Variants in HDAC7 observed in about 807,000 individuals in gnomAD.
HDAC7 encodes histone deacetylase 7.
Under a neutral mutation model 115.5 loss-of-function variants are expected in HDAC7, and 26 were observed. The observed-to-expected ratio is 0.23, with a 90% CI of 0.16 to 0.31. The LOEUF is 0.31. HDAC7 is among the 10% of genes least tolerant of loss of function. The pLI is 1.00. For synonymous variants in HDAC7, 564 were observed against 550.9 expected, an observed-to-expected ratio of 1.02 and a Z score of -0.33; for missense variants, 1,068 against 1,329.0, an observed-to-expected ratio of 0.80 and a Z score of 3.05.
Position 47,797,045 on chromosome 12 carries a change from G to A in HDAC7, c.675C>T (p.Leu225=). The A allele has an allele frequency of 1.3e-6, 2 of 1,590,268 alleles. No individual in the cohort carries two copies. Among genetic ancestry groups the A allele is most frequent in the South Asian group, 1.1e-5 (1 of 87,628 alleles). ...CGAGGGTCTCTGCGGGCCGCCGCCG[G>A]AGGCTGGGGGGCGCACTCTCCTTTC... ...LLRKESAPPS[L]RRRPAETLGD... Residue 225 remains leucine (L), a synonymous_variant, in exon 7 of 26, where the codon CTC becomes CTT. Coordinates refer to ENST00000080059, the MANE Select transcript of HDAC7 (RefSeq NM_015401.5). This position sits in a 1 kb window ranked among gnomAD's most constrained non-coding sequence, Gnocchi z 5.5.
At chr12:47,790,100 T>C in intron 16 of HDAC7, 180 bp from the exon 17 acceptor site, 1 of 599,374 alleles carries the variant, frequency 1.7e-6, no homozygotes, top group Admixed American at 2.9e-5. Flanking sequence ...AATCCCAGCA[T>C]GACTTTTTCC....
intron 1 of HDAC7, among the ~76,000 whole-genome samples, chr12:47,814,317 C>T (rs895039433): frequency 6.6e-6 from 1 of 152,352 alleles, no homozygotes; most frequent in South Asian, 2.1e-4. Context: ...CCCAGGTCCC[C>T]TCTAGGCCTT....
At position 47,795,112 on chromosome 12, in the gene HDAC7, C is replaced by A; in HGVS notation, c.1284+72G>T. The A allele has an allele frequency of 4.3e-6, 6 of 1,385,378 alleles. No individual in the cohort carries two copies. In the South Asian group the frequency reaches 7.7e-5, roughly 18 times the overall value. The allele number at this position is 1,385,378 out of a possible 1,614,324, so 85.8% of individuals were successfully genotyped here. A position where few individuals can be genotyped will look rare whatever the true frequency, so the allele number is the denominator to read the frequency against. On this transcript the variant is annotated intron_variant, in intron 11 of 25. Coordinates refer to ENST00000080059, the MANE Select transcript of HDAC7 (RefSeq NM_015401.5). The surrounding 1 kb of genome is among the most constrained non-coding windows in gnomAD (Gnocchi z 4.3). ...TCCAGTTCCCTGCCCTTTCTAAGTA[C>A]CCCTCTTCTTTTGGCCCCTAAGTCC...
In HDAC7 at chr12:47,791,598, C is replaced by T. The variant is rs762203099; in HGVS notation, c.1921G>A (p.Gly641Arg). Residue 641 changes from glycine to arginine, a missense_variant, in exon 15 of 26, where the codon GGG becomes AGG. Physicochemically the swap from Gly to Arg is moderately radical, Grantham distance 125. Around this residue, in one of 6 missense-constraint regions of HDAC7, gnomAD observed 618 missense variants for 701.5 expected, o/e 0.88. Transcript: ENST00000080059. The part of the protein sequence containing the change: ...NPLSRLKLDN[G>R]KLAGLLAQRM... ...ACTAGGCCATTACCTGCCAGCTTCC[C>T]GTTGTCCAGTTTGAGGCGGCTGAGC... 1.1e-5 allele frequency: 17 copies of T among 1,608,716 alleles called. No individual in the cohort carries two copies. The East Asian group carries it at 2.9e-4, about 28-fold the overall frequency.
At chr12:47,820,810 G>A (rs935092724), upstream of HDAC7, among the ~76,000 whole-genome samples, 8 of 151,742 alleles carry the variant, frequency 5.3e-5, no homozygotes, top group East Asian at 1.6e-3. The surrounding 1 kb of genome is among the most constrained non-coding windows in gnomAD (Gnocchi z 4.3). Flanking sequence ...TCACAGAAAT[G>A]TTCCAGTCTG....
chr12:47,783,526 C>G lies in HDAC7; in HGVS notation c.*315G>C. On this transcript the variant is annotated 3_prime_UTR_variant, in exon 26 of 26. Coordinates refer to ENST00000080059, the MANE Select transcript of HDAC7 (RefSeq NM_015401.5). ...AAGGGTGAGCCCGACGGAGCCGGAG[C>G]CAGTCCTCCTCTGTGCAGTCCTGAG... is the stretch of plus-strand genomic sequence containing the variant. 1 of 401,902 alleles carries G rather than the reference C, an allele frequency of 2.5e-6. No homozygotes were observed. The highest frequency in any genetic ancestry group is 7.6e-4 in the Middle Eastern group (1 of 1,318). The allele number at this position is 401,902 out of a possible 1,614,324, so 24.9% of individuals were successfully genotyped here.
Position 47,791,858 on chromosome 12 carries a change from C to T in HDAC7, c.1812+13G>A, listed in dbSNP as rs778498122. 39 of 1,610,234 alleles carry T rather than the reference C, an allele frequency of 2.4e-5. No individual in the cohort carries two copies. In the East Asian group the frequency reaches 4.2e-4, roughly 18 times the overall value. On this transcript the variant is annotated intron_variant, in intron 14 of 25. Transcript: ENST00000080059. ...CTCCACCCATTCCTCGGGCCCCACC[C>T]GCGCCTCCTCACCTCACACTGGCTC...
chr12:47,808,848 C>G (rs1425532921), intron 1 of HDAC7, among the ~76,000 whole-genome samples: 1 of 152,352 alleles, frequency 6.6e-6, no homozygotes, highest in East Asian at 1.9e-4. Context: ...TAAGATTTCT[C>G]AGTTCCAAAA....
In HDAC7 at chr12:47,793,326, G is replaced by T; in HGVS notation, c.1678+43C>A. 4 of 1,346,074 alleles carry T rather than the reference G, an allele frequency of 3.0e-6. No homozygotes were observed. The highest frequency in any genetic ancestry group is 1.4e-5 in the South Asian group (1 of 70,528). 83.4% of individuals were successfully genotyped at this position (1,346,074 alleles called of 1,614,324 possible). ...CAAGACACCCACATGGACTCGTGCA[G>T]CCGAGCCCCTCCCTCCACCCGCCAC... On this transcript the variant is annotated intron_variant, in intron 13 of 25. Coordinates refer to ENST00000080059, the MANE Select transcript of HDAC7 (RefSeq NM_015401.5). The surrounding 1 kb of genome is among the most constrained non-coding windows in gnomAD (Gnocchi z 4.5).
Position 47,791,252 on chromosome 12 carries a change from CACT to C in HDAC7, c.1983+4_1983+6del. ...AACGCCCCCCTGAGACCCCTGGGCACACTTACCCCAACCCCACCACAGGGCAGC... is the reference window on the plus strand; with the variant it reads ...AACGCCCCCCTGAGACCCCTGGGCACTACCCCAACCCCACCACAGGGCAGC... On this transcript the variant is annotated splice_donor_5th_base_variant and intron_variant, in intron 16 of 25. Coordinates refer to ENST00000080059, the MANE Select transcript of HDAC7 (RefSeq NM_015401.5). 6.3e-7 allele frequency: 1 copy of C among 1,597,794 alleles called. No individual in the cohort carries two copies. The highest frequency in any genetic ancestry group is 8.5e-7 in the Non-Finnish European group (1 of 1,172,440).
chr12:47,798,581 G>C lies in HDAC7; in HGVS notation c.330C>G (p.His110Gln). The change falls in exon 4 of 26, where the codon CAC (histidine) becomes CAG (glutamine). Residue 110 changes from histidine to glutamine, a missense_variant. His to Gln is a conservative substitution (Grantham distance 24). Coordinates refer to ENST00000080059, the MANE Select transcript of HDAC7 (RefSeq NM_015401.5). The surrounding 1 kb of genome is among the most constrained non-coding windows in gnomAD (Gnocchi z 4.3). ...PQEQELRQLLHKDKSKRSAVA... is the reference protein window; with the variant it reads ...PQEQELRQLLQKDKSKRSAVA... ...CCTTACTTCGCTTGCTCTTGTCCTT[G>C]TGGAGAAGCTGCCGCAGCTCTTGTT... 6.2e-7 allele frequency: 1 copy of C among 1,614,010 alleles called. No individual in the cohort carries two copies. Among genetic ancestry groups the C allele is most frequent in the Non-Finnish European group, 8.5e-7 (1 of 1,179,908 alleles).
At chr12:47,814,356 CAAGTA>C (rs1482878025) in intron 1 of HDAC7, among the ~76,000 whole-genome samples, 5 of 152,176 alleles carry the variant, frequency 3.3e-5, no homozygotes, top group Admixed American at 1.3e-4. Context: ...ATTCCTGAGC[CAAGTA>C]AAGTAAAGTG....
At chr12:47,794,962 C>G in intron 11 of HDAC7, 29 bp from the exon 12 acceptor site, 1 of 1,595,868 alleles carries the variant, frequency 6.3e-7, no homozygotes, top group Non-Finnish European at 8.5e-7. Flanking sequence ...GGCTGAGAAG[C>G]CATGGTGGAG....
intron 24 of HDAC7, chr12:47,784,485 A>T: frequency 1.7e-6 from 1 of 601,762 alleles, no homozygotes; most frequent in South Asian, 2.1e-5. Flanking sequence ...TGTGGCTGCA[A>T]GGCCACCTTT....
Position 47,797,373 on chromosome 12 carries a change from G to A in HDAC7, c.577+11C>T. 1 of 1,584,442 alleles carries A rather than the reference G, an allele frequency of 6.3e-7. No individual in the cohort carries two copies. ...CTTTGCCTGAAAGGTCCGCCTGTTTGTTCAGCTCACCTGTCTTGCGCAGAG... is the reference window on the plus strand; with the variant it reads ...CTTTGCCTGAAAGGTCCGCCTGTTTATTCAGCTCACCTGTCTTGCGCAGAG... On this transcript the variant is annotated intron_variant, in intron 6 of 25. Coordinates refer to ENST00000080059, the MANE Select transcript of HDAC7 (RefSeq NM_015401.5). The surrounding 1 kb of genome is among the most constrained non-coding windows in gnomAD (Gnocchi z 5.5).
rs57061363 is a variant in HDAC7, at chr12:47,783,441, C to T, written c.*400G>A. The T allele has an allele frequency of 3.0e-3, 686 of 229,804 alleles. 6 individuals carry two copies. The highest frequency in any genetic ancestry group is 0.014 in the African/African-American group (625 of 44,968). 14.2% of individuals were successfully genotyped at this position (229,804 alleles called of 1,614,324 possible). On this transcript the variant is annotated 3_prime_UTR_variant, in exon 26 of 26. Coordinates refer to ENST00000080059, the MANE Select transcript of HDAC7 (RefSeq NM_015401.5). ...CCTGTCTGAGGCCAAGTTCACATTT[C>T]TGTGTGGAGCCTGAGGCTGTGTGCA...
chr12:47,812,184 G>T (rs1464426618), intron 1 of HDAC7, among the ~76,000 whole-genome samples: 4 of 152,228 alleles, frequency 2.6e-5, no homozygotes, highest in African/African-American at 4.8e-5. Context: ...TCCTCGCCCT[G>T]CCTCACTGGG....
chr12:47,798,438 G>C lies in HDAC7; in HGVS notation c.349+124C>G. 2 of 907,318 alleles carry C rather than the reference G, an allele frequency of 2.2e-6. No individual in the cohort carries two copies. The highest frequency in any genetic ancestry group is 3.5e-6 in the Non-Finnish European group (2 of 574,538). The allele number at this position is 907,318 out of a possible 1,614,324, so 56.2% of individuals were successfully genotyped here. A position where few individuals can be genotyped will look rare whatever the true frequency, so the allele number is the denominator to read the frequency against. ...CACAGGCAGAGCCCAGGCAAGCAGA[G>C]GGAAAGCCTCGGCTCAGGCCCAGCT... is the stretch of plus-strand genomic sequence containing the variant. On this transcript the variant is annotated intron_variant, in intron 4 of 25. Coordinates refer to ENST00000080059, the MANE Select transcript of HDAC7 (RefSeq NM_015401.5). The surrounding 1 kb of genome is among the most constrained non-coding windows in gnomAD (Gnocchi z 4.3).
intron 1 of HDAC7, among the ~76,000 whole-genome samples, chr12:47,816,211 A>G (rs964723264): frequency 1.3e-5 from 2 of 152,076 alleles, no homozygotes; most frequent in South Asian, 4.2e-4. Flanking sequence ...TATCTTTAAC[A>G]CATTCCCCAG....
Sources: allele counts gnomAD v4.1 joint callset (sites outside exome capture counted in the v4.1 genomes callset), GRCh38; gene constraint gnomAD v4.1.1; regional missense constraint gnomAD v4.1.1; non-coding constraint Gnocchi (gnomAD v3.1); transcripts MANE v1.5; gene names NCBI Gene and HGNC (gene_info 2026-07-23, HGNC 2026-07-21).